DMD: variants seen among roughly 807,000 people sequenced by gnomAD.
DMD encodes mutant dystrophin.
Under a neutral mutation model 330.1 loss-of-function variants are expected in DMD, and 63 were observed. The observed-to-expected ratio is 0.19, with a 90% confidence interval of 0.16 to 0.24. The LOEUF is 0.24. DMD is among the 10% of genes least tolerant of loss of function. DMD has a pLI of 1.00. For synonymous variants in DMD, 1,223 were observed against 959.8 expected (o/e 1.27, Z -5.07); for missense variants, 3,344 against 2,684.1 (o/e 1.25, Z -5.43).
intron 47 of DMD, among the ~76,000 whole-genome samples, chrX:31,915,108 G>T (rs2094593130): frequency 8.9e-6 from 1 of 112,288 alleles, no homozygotes; most frequent in South Asian, 3.7e-4. Context: ...TAGGTCACTG[G>T]ACCATGAGGA....
chrX:31,294,869 T>C (rs1291188142), intron 62 of DMD, among the ~76,000 whole-genome samples: 1 of 112,331 alleles, frequency 8.9e-6, no homozygotes, highest in Non-Finnish European at 1.9e-5. Context: ...CTCAGAGACG[T>C]AGTGTTGATT....
At chrX:32,975,131 T>A (rs542189021) in intron 2 of DMD, among the ~76,000 whole-genome samples, 16 of 110,937 alleles carry the variant, frequency 1.4e-4, no homozygotes, top group Middle Eastern at 4.6e-3. Context: ...AGCATCATTT[T>A]TTTTTTCTGA....
chrX:31,948,680 T>C (rs921853506), intron 45 of DMD, among the ~76,000 whole-genome samples: 1 of 111,437 alleles, frequency 9.0e-6, no homozygotes, highest in African/African-American at 3.3e-5. Flanking sequence ...CATTTCTATG[T>C]CTTCTTTGGA....
intron 44 of DMD, among the ~76,000 whole-genome samples, chrX:31,986,001 C>A (rs2095506596): frequency 9.0e-6 from 1 of 111,331 alleles, no homozygotes; most frequent in African/African-American, 3.3e-5. Flanking sequence ...CAGGAAGGAA[C>A]TTTATATGCC....
chrX:33,162,312 G>A (rs766190683), intron 1 of DMD, among the ~76,000 whole-genome samples: 1 of 111,755 alleles, frequency 8.9e-6, no homozygotes, highest in Admixed American at 9.6e-5. Flanking sequence ...AGATGGTTAG[G>A]GACGTTGACT....
intron 54 of DMD, among the ~76,000 whole-genome samples, chrX:31,645,864 A>C (rs1603437128): frequency 8.9e-6 from 1 of 112,144 alleles, no homozygotes; most frequent in South Asian, 3.7e-4. Context: ...ATGGGAAAGA[A>C]GTCTGTTCGC....
At chrX:32,796,719 T>C (rs1199762094) in intron 7 of DMD, among the ~76,000 whole-genome samples, 1 of 111,834 alleles carries the variant, frequency 8.9e-6, no homozygotes, top group African/African-American at 3.3e-5. Flanking sequence ...TATGTACATA[T>C]ATGTAAAACG....
intron 57 of DMD, among the ~76,000 whole-genome samples, chrX:31,484,187 C>T (rs980684660): frequency 1.8e-5 from 2 of 111,262 alleles, no homozygotes; most frequent in African/African-American, 6.5e-5. Context: ...TGATAAGTGT[C>T]TTGTCTCCCA....
intron 55 of DMD, among the ~76,000 whole-genome samples, chrX:31,623,003 C>T (rs2078643312): frequency 9.3e-6 from 1 of 107,630 alleles, no homozygotes; most frequent in Non-Finnish European, 1.9e-5. Context: ...CTTTAGACAA[C>T]AATCAAAATA....
chrX:31,976,899 C>T (rs774751413), intron 44 of DMD, among the ~76,000 whole-genome samples: 2 of 111,611 alleles, frequency 1.8e-5, no homozygotes, highest in South Asian at 7.4e-4. Context: ...CTGACTCCAA[C>T]AAATATTTAA....
intron 67 of DMD, among the ~76,000 whole-genome samples, chrX:31,194,874 A>C (rs567695372): frequency 1.8e-5 from 2 of 111,474 alleles, no homozygotes; most frequent in South Asian, 7.5e-4. Context: ...CTAACGCAAA[A>C]TTGATTTCCT....
chrX:32,882,421 C>T (rs1334477083), intron 2 of DMD, among the ~76,000 whole-genome samples: 1 of 111,852 alleles, frequency 8.9e-6, no homozygotes, highest in Non-Finnish European at 1.9e-5. Flanking sequence ...GTTAACTGAC[C>T]CTGGCTGACA....
chrX:31,540,239 T>C (rs2073719877), intron 55 of DMD, among the ~76,000 whole-genome samples: 1 of 112,365 alleles, frequency 8.9e-6, no homozygotes. Flanking sequence ...TTTAAATCAG[T>C]ACATCTTCTG....
chrX:32,400,240 G>GT (rs1395238885), intron 30 of DMD, among the ~76,000 whole-genome samples: 32 of 111,819 alleles, frequency 2.9e-4, no homozygotes, highest in African/African-American at 9.4e-4. Context: ...CTTTGGCTCT[G>GT]TTTAGATGCT....
intron 30 of DMD, among the ~76,000 whole-genome samples, chrX:32,410,687 G>A (rs1242930377): frequency 2.7e-5 from 3 of 111,652 alleles, no homozygotes; most frequent in Non-Finnish European, 5.6e-5. Flanking sequence ...TTGAAAAGCA[G>A]ATCTAGTAAT....
chrX:33,162,652 A>C (rs1489810293), intron 1 of DMD, among the ~76,000 whole-genome samples: 2 of 111,185 alleles, frequency 1.8e-5, no homozygotes, highest in East Asian at 5.6e-4. Flanking sequence ...ACACGCACAC[A>C]CCAAAAATAA....
chrX:32,782,686 A>T (rs2074895537), intron 7 of DMD, among the ~76,000 whole-genome samples: 1 of 110,510 alleles, frequency 9.0e-6, no homozygotes, highest in African/African-American at 3.3e-5. Flanking sequence ...GCAAATTCAA[A>T]TAACCTCTGA....
chrX:31,843,507 GTCT>G (rs1158616266), intron 48 of DMD, among the ~76,000 whole-genome samples: 24 of 111,952 alleles, frequency 2.1e-4, no homozygotes, highest in African/African-American at 7.5e-4. Context: ...CCACCCGTTT[GTCT>G]TCTTTTGAGA....
intron 17 of DMD, among the ~76,000 whole-genome samples, chrX:32,519,163 A>G (rs148012660): frequency 1.0e-3 from 111 of 105,725 alleles, no homozygotes; most frequent in Middle Eastern, 9.7e-3. Context: ...ATAGCCTTTC[A>G]TTTGCAACAA....
Sources: allele counts gnomAD v4.1 joint callset (sites outside exome capture counted in the v4.1 genomes callset), GRCh38; gene constraint gnomAD v4.1.1; transcripts MANE v1.5; gene names NCBI Gene and HGNC (gene_info 2026-07-23, HGNC 2026-07-21).